Variants in CLNK observed in about 807,000 individuals in gnomAD.
CLNK encodes the protein cytokine-dependent hematopoietic cell linker.
CLNK carries 74 observed loss-of-function variants against 68.6 expected under a neutral mutation model. The ratio of observed to expected loss-of-function variants is 1.08; its 90% confidence interval spans 0.89 to 1.31. CLNK has a LOEUF of 1.31. Ranked by LOEUF, CLNK falls within the 50% of genes most tolerant of loss-of-function variation. The pLI is 0.00. For synonymous variants in CLNK, 198 were observed against 172.2 expected, an observed-to-expected ratio of 1.15 and a Z score of -1.17; for missense variants, 553 against 515.3, an observed-to-expected ratio of 1.07 and a Z score of -0.71.
At chr4:10,691,139 G>A in the CLNK span, among the ~76,000 whole-genome samples, 15 of 152,208 alleles carry the variant, frequency 9.9e-5, no homozygotes, top group Non-Finnish European at 1.0e-4. Flanking sequence ...TTCCAAGGAA[G>A]AATTAGCTTT....
intron 8 of CLNK, among the ~76,000 whole-genome samples, chr4:10,551,735 G>T (rs1314116135): frequency 6.6e-6 from 1 of 152,144 alleles, no homozygotes; most frequent in Non-Finnish European, 1.5e-5. Flanking sequence ...CAGCCCTAGT[G>T]TTGAGCACAT....
At chr4:10,702,971 G>A in the CLNK span, among the ~76,000 whole-genome samples, 1 of 152,174 alleles carries the variant, frequency 6.6e-6, no homozygotes, top group East Asian at 1.9e-4. Flanking sequence ...GGACCACTAA[G>A]AGACGAAGAG....
At chr4:10,633,110 G>C (rs1180713643) in intron 2 of CLNK, among the ~76,000 whole-genome samples, 3 of 152,100 alleles carry the variant, frequency 2.0e-5, no homozygotes, top group African/African-American at 7.2e-5. Context: ...GCTAATTTTT[G>C]TATTTTTAGT....
At chr4:10,528,866 A>G (rs1463309266) in intron 12 of CLNK, among the ~76,000 whole-genome samples, 1 of 152,168 alleles carries the variant, frequency 6.6e-6, no homozygotes, top group East Asian at 1.9e-4. Context: ...TATTCACATT[A>G]TCCTTTTTAA....
chr4:10,642,833 T>C (rs968254869), intron 2 of CLNK, among the ~76,000 whole-genome samples: 1 of 152,196 alleles, frequency 6.6e-6, no homozygotes, highest in Admixed American at 6.5e-5. Context: ...CCTTTAGAGC[T>C]TCTGGGAAGG....
intron 2 of CLNK, among the ~76,000 whole-genome samples, chr4:10,662,182 T>C (rs1295684797): frequency 2.0e-5 from 3 of 152,228 alleles, no homozygotes; most frequent in East Asian, 1.9e-4. Context: ...TCTGCTCTAA[T>C]ACTCCTAGAG....
At chr4:10,707,075 C>T in the CLNK span, among the ~76,000 whole-genome samples, 1 of 152,184 alleles carries the variant, frequency 6.6e-6, no homozygotes, top group Non-Finnish European at 1.5e-5. Context: ...GCCATCGCGC[C>T]TGGCCCCTAC....
At chr4:10,685,251 G>T (rs1324327294), upstream of CLNK, among the ~76,000 whole-genome samples, 1 of 152,036 alleles carries the variant, frequency 6.6e-6, no homozygotes, top group African/African-American at 2.4e-5. Flanking sequence ...AGGATCTTGG[G>T]CACTTTGAAG....
intron 2 of CLNK, among the ~76,000 whole-genome samples, chr4:10,609,369 A>G (rs1353573524): frequency 1.3e-5 from 2 of 152,318 alleles, no homozygotes. Flanking sequence ...ATCTCCTTCC[A>G]GTCCCTGGGG....
chr4:10,553,196 C>T (rs1017003991), intron 8 of CLNK, among the ~76,000 whole-genome samples: 1 of 152,036 alleles, frequency 6.6e-6, no homozygotes, highest in Non-Finnish European at 1.5e-5. Context: ...TACTGTGAAC[C>T]CAGAATTGAA....
At chr4:10,710,110 A>T in the CLNK span, among the ~76,000 whole-genome samples, 1 of 152,202 alleles carries the variant, frequency 6.6e-6, no homozygotes, top group Non-Finnish European at 1.5e-5. Context: ...CTGTAAGGGA[A>T]AGGGGGTTCT....
chr4:10,565,284 T>C (rs1401666808), intron 6 of CLNK, among the ~76,000 whole-genome samples: 1 of 152,258 alleles, frequency 6.6e-6, no homozygotes, highest in Non-Finnish European at 1.5e-5. Context: ...GAATGCTTAC[T>C]GAATGAATGA....
At chr4:10,559,101 A>G (rs1364785338) in intron 7 of CLNK, among the ~76,000 whole-genome samples, 1 of 152,230 alleles carries the variant, frequency 6.6e-6, no homozygotes, top group African/African-American at 2.4e-5. Flanking sequence ...TAAAGGCATT[A>G]GTGAACTATT....
Position 10,513,964 on chromosome 4 carries a change from C to T in CLNK, c.773-367G>A, listed in dbSNP as rs1326580090. On this transcript the variant is annotated intron_variant, in intron 15 of 18. Coordinates refer to ENST00000226951, the MANE Select transcript of CLNK (RefSeq NM_052964.4). ...TGCTGGTGCGCTGCACCCACTAACT[C>T]GTCATCTAGCATTAGGTATATCTCC... is the stretch of plus-strand genomic sequence containing the variant. Among the ~76,000 whole-genome samples the T allele has an allele frequency of 2.6e-3, 369 of 140,870 alleles. 2 individuals carry two copies. Among genetic ancestry groups the T allele is most frequent in the African/African-American group, 9.2e-3 (351 of 38,346 alleles). 92.4% of individuals were successfully genotyped at this position (140,870 alleles called of 152,430 possible). A position where few individuals can be genotyped will look rare whatever the true frequency, so the allele number is the denominator to read the frequency against.
At chr4:10,582,770 AAAG>A (rs1046977288) in intron 4 of CLNK, among the ~76,000 whole-genome samples, 9 of 152,328 alleles carry the variant, frequency 5.9e-5, no homozygotes, top group African/African-American at 2.2e-4. Flanking sequence ...GATATGCAAA[AAAG>A]AAGGAAATAA....
intron 15 of CLNK, among the ~76,000 whole-genome samples, chr4:10,513,819 C>CT (rs200731066): frequency 5.7e-4 from 79 of 138,162 alleles, no homozygotes; most frequent in Non-Finnish European, 7.2e-4. Flanking sequence ...CCAGAGTCAT[C>CT]TTTTTTTTTT....
At chr4:10,560,992 G>T (rs1719865236) in intron 7 of CLNK, among the ~76,000 whole-genome samples, 1 of 151,664 alleles carries the variant, frequency 6.6e-6, no homozygotes, top group Non-Finnish European at 1.5e-5. Context: ...GACCTCCCAG[G>T]CTCAGGTGAT....
At chr4:10,687,061 G>C (rs1281185698), upstream of CLNK, among the ~76,000 whole-genome samples, 2 of 152,068 alleles carry the variant, frequency 1.3e-5, no homozygotes, top group African/African-American at 4.8e-5. Flanking sequence ...TAAATGAATG[G>C]ACTTCAGATA....
At chr4:10,556,061 C>T (rs1719662824) in intron 8 of CLNK, among the ~76,000 whole-genome samples, 1 of 152,236 alleles carries the variant, frequency 6.6e-6, no homozygotes, top group Non-Finnish European at 1.5e-5. Flanking sequence ...GTCCTCTTTG[C>T]AGTTGTGGCC....
Sources: gnomAD v4.1 joint callset for allele counts (sites outside exome capture counted in the v4.1 genomes callset) on GRCh38, gnomAD v4.1.1 for gene constraint, MANE v1.5 for transcripts, NCBI Gene and HGNC (gene_info 2026-07-23, HGNC 2026-07-21) for gene names.